TAFA5: variants seen among roughly 807,000 people sequenced by gnomAD.
TAFA5 encodes chemokine-like protein TAFA-5.
Under a neutral mutation model 15.3 loss-of-function variants are expected in TAFA5, and 6 were observed. The observed-to-expected ratio is 0.39, with a 90% confidence interval of 0.21 to 0.77. The LOEUF (loss-of-function observed/expected upper bound fraction) is 0.77. Ranked by LOEUF, TAFA5 falls within the 30% of genes least tolerant of loss-of-function variation. The pLI is 0.41. For missense variants in TAFA5, 161 were observed against 193.1 expected (o/e 0.83, Z 0.98); for synonymous variants, 103 against 80.7 (o/e 1.28, Z -1.48).
Position 48,512,345 on chromosome 22 carries a change from G to A in TAFA5, c.112+22641G>A, listed in dbSNP as rs12160904. Among the ~76,000 whole-genome samples, 1,257 of 152,360 alleles carry A rather than the reference G, an allele frequency of 8.3e-3. 11 individuals carry two copies. Among genetic ancestry groups the A allele is most frequent in the Non-Finnish European group, 0.011 (739 of 68,038 alleles). On this transcript the variant is annotated intron_variant, in intron 1 of 3. Coordinates refer to ENST00000402357, the MANE Select transcript of TAFA5 (RefSeq NM_001082967.3). The stretch of plus-strand genomic sequence containing the variant: ...TAACTGGCCGGGAGCAGTGGCTCAC[G>A]CCTGTAATCCCAGCACTTTGGGAGG...
chr22:48,614,454 C>A (rs1414113708), intron 1 of TAFA5, among the ~76,000 whole-genome samples: 1 of 152,210 alleles, frequency 6.6e-6, no homozygotes, highest in Admixed American at 6.5e-5. Context: ...TCCTGGTTTG[C>A]ACGACACTTG....
Position 48,496,570 on chromosome 22 carries a change from G to C in TAFA5, c.112+6866G>C, listed in dbSNP as rs1928332588. Among the ~76,000 whole-genome samples, 3 of 152,212 alleles carry C rather than the reference G, an allele frequency of 2.0e-5. No individual in the cohort carries two copies. In the South Asian group the frequency reaches 6.2e-4, roughly 31 times the overall value. On this transcript the variant is annotated intron_variant, in intron 1 of 3. Transcript: ENST00000402357. ...AGTCAGGGACGCCTGACCAGCTGTG[G>C]GGGACAGAGGAGGGCCCACTTGTGG...
In TAFA5 at chr22:48,529,389, G is replaced by A. The variant is rs1214319794; in HGVS notation, c.112+39685G>A. ...CGGGAGATGGGGATGTCAGGCAGGA[G>A]ATGAGGGTGTCAGGCAGGAGATGGG... On this transcript the variant is annotated intron_variant, in intron 1 of 3. Coordinates refer to ENST00000402357, the MANE Select transcript of TAFA5 (RefSeq NM_001082967.3). Among the ~76,000 whole-genome samples the A allele has an allele frequency of 4.3e-5, 5 of 115,936 alleles. No homozygotes were observed. In the East Asian group the frequency reaches 1.5e-3, roughly 35 times the overall value. The allele number at this position is 115,936 out of a possible 152,430, so 76.1% of individuals were successfully genotyped here.
chr22:48,717,656 C>T (rs75247964), intron 3 of TAFA5, among the ~76,000 whole-genome samples: 1,936 of 152,362 alleles, frequency 0.013, 43 homozygotes, highest in African/African-American at 0.044. Context: ...CATCAGGCCC[C>T]GTTCTCTGTC....
chr22:48,493,775 A>G (rs556664051), intron 1 of TAFA5, among the ~76,000 whole-genome samples: 27 of 152,326 alleles, frequency 1.8e-4, no homozygotes, highest in Middle Eastern at 6.8e-3. Context: ...GTCCCCTCAC[A>G]GGATTTTCCC....
In TAFA5 at chr22:48,625,220, G is replaced by A. The variant is rs1224182853; in HGVS notation, c.113-21377G>A. ...TCATTGTTTCTCAGCCTTCTTGGCC[G>A]ACAGAGGGAGGAGATGCATGAATGT... On this transcript the variant is annotated intron_variant, in intron 1 of 3. Coordinates refer to ENST00000402357, the MANE Select transcript of TAFA5 (RefSeq NM_001082967.3). 2.6e-5 allele frequency among the ~76,000 whole-genome samples: 4 copies of A among 152,068 alleles called. No individual in the cohort carries two copies. In the East Asian group the frequency reaches 7.7e-4, roughly 29 times the overall value.
rs114788392 is a variant in TAFA5, at chr22:48,634,630, C to T, written c.113-11967C>T. On this transcript the variant is annotated intron_variant, in intron 1 of 3. Transcript: ENST00000402357. The stretch of plus-strand genomic sequence containing the variant: ...CCACTCACCCACTCATTGACACACT[C>T]GGTCATTTACTCAGTCATTCACTCA... 8.2e-3 allele frequency among the ~76,000 whole-genome samples: 1,245 copies of T among 152,214 alleles called. 18 individuals carry two copies. The highest frequency in any genetic ancestry group is 0.028 in the African/African-American group (1,182 of 41,532).
intron 1 of TAFA5, chr22:48,539,575 C>T: frequency 2.3e-6 from 1 of 439,798 alleles, no homozygotes; most frequent in Non-Finnish European, 4.6e-6. Context: ...AAGCTAGGAG[C>T]CCCTCAGGTG....
At chr22:48,646,545 G>T in intron 1 of TAFA5, 52 bp from the exon 2 acceptor site, 1 of 1,592,734 alleles carries the variant, frequency 6.3e-7, no homozygotes. Flanking sequence ...GGCTCTGGCT[G>T]TGGGGTGTCT....
At position 48,566,044 on chromosome 22, in the gene TAFA5, G is replaced by A. The variant is rs1923396455; in HGVS notation, c.112+76340G>A. Among the ~76,000 whole-genome samples the A allele has an allele frequency of 6.6e-6, 1 of 151,824 alleles. No individual in the cohort carries two copies. On this transcript the variant is annotated intron_variant, in intron 1 of 3. Transcript: ENST00000402357. The surrounding 1 kb of genome is among the most constrained non-coding windows in gnomAD (Gnocchi z 4.5). ...TAGATGGATGACGGATAGATGATGA[G>A]CTGATGATGGATGGATGATGGATGG... is the stretch of plus-strand genomic sequence containing the variant.
At chr22:48,650,891 A>G (rs1271666711) in intron 2 of TAFA5, among the ~76,000 whole-genome samples, 1 of 151,840 alleles carries the variant, frequency 6.6e-6, no homozygotes, top group Non-Finnish European at 1.5e-5. Flanking sequence ...GCTCCTTTCT[A>G]GCTGTTTATG....
chr22:48,575,912 C>T (rs1412636964), intron 1 of TAFA5, among the ~76,000 whole-genome samples: 2 of 142,642 alleles, frequency 1.4e-5, no homozygotes, highest in African/African-American at 2.5e-5. Context: ...CCCTGAGCCC[C>T]GGGCCGGAGC....
intron 2 of TAFA5, among the ~76,000 whole-genome samples, chr22:48,652,766 G>A (rs556632678): frequency 2.0e-5 from 3 of 152,310 alleles, no homozygotes; most frequent in East Asian, 3.9e-4. Flanking sequence ...CTTCCAGTAC[G>A]CGACGGAGAC....
In TAFA5 at chr22:48,734,971, C is replaced by G. The variant is rs372569913; in HGVS notation, c.391-14868C>G. Among the ~76,000 whole-genome samples, 26 of 152,348 alleles carry G rather than the reference C, an allele frequency of 1.7e-4. 1 individual carries two copies. In the East Asian group the frequency reaches 2.3e-3, roughly 14 times the overall value. On this transcript the variant is annotated intron_variant, in intron 3 of 3. Coordinates refer to ENST00000402357, the MANE Select transcript of TAFA5 (RefSeq NM_001082967.3). ...GGAGGAAGTGGAGGGGAATATTGAT[C>G]TGCATGTGGCGTGAGGAAGAACGCT...
chr22:48,520,583 C>T (rs1921569370), intron 1 of TAFA5, among the ~76,000 whole-genome samples: 1 of 152,140 alleles, frequency 6.6e-6, no homozygotes, highest in African/African-American at 2.4e-5. Context: ...TGCCTGCCAT[C>T]GGGGACTTGA....
intron 1 of TAFA5, among the ~76,000 whole-genome samples, chr22:48,562,059 G>T (rs1243914137): frequency 6.6e-6 from 1 of 152,132 alleles, no homozygotes; most frequent in Non-Finnish European, 1.5e-5. Flanking sequence ...AGGTCCTGGC[G>T]CAGGGTAAGC....
Position 48,665,817 on chromosome 22 carries a change from G to A in TAFA5, c.262+19071G>A, listed in dbSNP as rs560754595. 3.9e-5 allele frequency among the ~76,000 whole-genome samples: 6 copies of A among 151,980 alleles called. No individual in the cohort carries two copies. The South Asian group carries it at 1.0e-3, about 26-fold the overall frequency. On this transcript the variant is annotated intron_variant, in intron 2 of 3. Coordinates refer to ENST00000402357, the MANE Select transcript of TAFA5 (RefSeq NM_001082967.3). ...CGCAGATTCCTATCTAGCGGCAGGC[G>A]CCCTCCCGAGAACGCTAACGAACCA...
At chr22:48,662,252 G>T (rs1159848921) in intron 2 of TAFA5, among the ~76,000 whole-genome samples, 1 of 152,100 alleles carries the variant, frequency 6.6e-6, no homozygotes, top group African/African-American at 2.4e-5. Context: ...CATGGTGCAG[G>T]GAGTCAAGGC....
chr22:48,706,934 G>A (rs1230061900), intron 2 of TAFA5, among the ~76,000 whole-genome samples: 8 of 152,230 alleles, frequency 5.3e-5, no homozygotes, highest in Admixed American at 5.2e-4. Context: ...CACAAAATAG[G>A]GTGGGCCTCC....
Sources: gnomAD v4.1 joint callset for allele counts (sites outside exome capture counted in the v4.1 genomes callset) on GRCh38, gnomAD v4.1.1 for gene constraint, Gnocchi (gnomAD v3.1) non-coding constraint, MANE v1.5 for transcripts, NCBI Gene and HGNC (gene_info 2026-07-23, HGNC 2026-07-21) for gene names.